The following DPP6 variants were observed in gnomAD, a reference collection of about 807,000 sequenced individuals.
DPP6 encodes dipeptidyl peptidase like 6, also known as A-type potassium channel modulatory protein DPP6.
In DPP6, 69 loss-of-function variants were observed where a neutral mutation model predicts 122.6. The ratio of observed to expected loss-of-function variants is 0.56; its 90% confidence interval spans 0.46 to 0.69. The LOEUF (loss-of-function observed/expected upper bound fraction) is 0.69. DPP6 is among the 30% of genes least tolerant of loss of function. DPP6 has a pLI of 0.00. For missense variants in DPP6, 928 were observed against 1,116.9 expected (o/e 0.83, Z 2.41); for synonymous variants, 418 against 433.1 (o/e 0.97, Z 0.43).
intron 1 of DPP6, among the ~76,000 whole-genome samples, chr7:153,935,730 C>T (rs77584575): frequency 0.066 from 10,064 of 152,264 alleles, 351 homozygotes; most frequent in African/African-American, 0.087. Context: ...CTGGCTCAGA[C>T]CCCAATCTGC....
chr7:154,647,472 G>A (rs1410569662), intron 6 of DPP6, among the ~76,000 whole-genome samples: 1 of 152,162 alleles, frequency 6.6e-6, no homozygotes, highest in African/African-American at 2.4e-5. Context: ...ATGATATTCA[G>A]TAAAGGGGTT....
intron 16 of DPP6, among the ~76,000 whole-genome samples, chr7:154,830,997 C>G (rs1800585208): frequency 6.6e-6 from 1 of 152,216 alleles, no homozygotes; most frequent in South Asian, 2.1e-4. Context: ...GGATTCTCTA[C>G]CACGGACTCT....
chr7:153,768,095 G>A, the DPP6 span, among the ~76,000 whole-genome samples: 1 of 151,620 alleles, frequency 6.6e-6, no homozygotes, highest in Admixed American at 6.6e-5. Flanking sequence ...GAGGGAATAA[G>A]CTAGAAAGTT....
At chr7:153,966,049 A>G (rs1229260177) in intron 1 of DPP6, among the ~76,000 whole-genome samples, 2 of 140,286 alleles carry the variant, frequency 1.4e-5, no homozygotes, top group Non-Finnish European at 3.1e-5. Flanking sequence ...ATATGGAGAG[A>G]CTTGGTAAAA....
chr7:154,162,798 A>T, intron 1 of DPP6, among the ~76,000 whole-genome samples: 1 of 151,966 alleles, frequency 6.6e-6, no homozygotes, highest in Non-Finnish European at 1.5e-5. Context: ...CTGGAATCTG[A>T]TCATTGCTGG....
chr7:154,435,287 G>A (rs1818768303), intron 1 of DPP6, among the ~76,000 whole-genome samples: 1 of 152,016 alleles, frequency 6.6e-6, no homozygotes, highest in South Asian at 2.1e-4. Context: ...GGGAGGAATG[G>A]GAGGGGGTAC....
At chr7:154,398,324 CAG>C (rs1815270801) in intron 1 of DPP6, among the ~76,000 whole-genome samples, 1 of 152,170 alleles carries the variant, frequency 6.6e-6, no homozygotes, top group Non-Finnish European at 1.5e-5. Context: ...TAATTAGTAA[CAG>C]AATTTGGATT....
At chr7:154,751,689 A>G (rs1015799721) in intron 8 of DPP6, among the ~76,000 whole-genome samples, 2 of 152,032 alleles carry the variant, frequency 1.3e-5, no homozygotes, top group African/African-American at 4.8e-5. Context: ...ACCACTAACC[A>G]GGCAGATAGG....
intron 1 of DPP6, among the ~76,000 whole-genome samples, chr7:154,218,174 T>C (rs1210770836): frequency 6.6e-6 from 1 of 152,012 alleles, no homozygotes; most frequent in Non-Finnish European, 1.5e-5. Flanking sequence ...AGAGGGTGAG[T>C]TGGGATCCTG....
chr7:153,971,113 T>A (rs1385302406), intron 1 of DPP6, among the ~76,000 whole-genome samples: 2 of 152,120 alleles, frequency 1.3e-5, no homozygotes, highest in Non-Finnish European at 2.9e-5. Context: ...TGCGTGTAGA[T>A]CTCTTTATTT....
intron 1 of DPP6, among the ~76,000 whole-genome samples, chr7:153,965,766 G>A (rs569436936): frequency 1.9e-4 from 29 of 152,034 alleles, no homozygotes; most frequent in African/African-American, 6.0e-4. Context: ...CCAGACAGGC[G>A]GATCACGAGG....
In DPP6 at chr7:154,804,866, C is replaced by A. The variant is rs151177326; in HGVS notation, c.1500-51C>A. The A allele has an allele frequency of 1.9e-6, 3 of 1,570,188 alleles. No individual in the cohort carries two copies. The East Asian group carries it at 7.0e-5, about 37-fold the overall frequency. Reference sequence around the variant, plus strand: ...GAGGTAGTGCCAGGAATGTGAAGTGCAGACGTGCCTTGGAGCAAACTAACC... The same window carrying A: ...GAGGTAGTGCCAGGAATGTGAAGTGAAGACGTGCCTTGGAGCAAACTAACC... On this transcript the variant is annotated intron_variant, in intron 14 of 25. Transcript: ENST00000377770.
intron 1 of DPP6, among the ~76,000 whole-genome samples, chr7:154,242,823 C>T (rs930430354): frequency 1.3e-5 from 2 of 152,188 alleles, no homozygotes; most frequent in African/African-American, 4.8e-5. Flanking sequence ...GAAGGCTGCC[C>T]ACACCATGGC....
intron 1 of DPP6, among the ~76,000 whole-genome samples, chr7:154,442,840 C>A (rs1214807893): frequency 1.3e-5 from 2 of 152,152 alleles, no homozygotes; most frequent in Admixed American, 1.3e-4. Context: ...CCCACCACTG[C>A]CACCCAGGAC....
At chr7:154,126,223 T>C (rs997960629) in intron 1 of DPP6, among the ~76,000 whole-genome samples, 6 of 152,194 alleles carry the variant, frequency 3.9e-5, no homozygotes, top group African/African-American at 1.4e-4. Flanking sequence ...TATATGTGAA[T>C]AGAACTTAGC....
chr7:154,315,938 C>T (rs889616171), intron 1 of DPP6, among the ~76,000 whole-genome samples: 8 of 152,172 alleles, frequency 5.3e-5, no homozygotes, highest in African/African-American at 1.7e-4. Flanking sequence ...AAACATGCCA[C>T]GTTACTTGTT....
chr7:153,850,231 T>C, the DPP6 span, among the ~76,000 whole-genome samples: 5 of 152,146 alleles, frequency 3.3e-5, no homozygotes, highest in Admixed American at 2.0e-4. Flanking sequence ...TGTGGCCTTA[T>C]CTTAGGCCTG....
the DPP6 span, among the ~76,000 whole-genome samples, chr7:153,780,613 A>G: frequency 1.3e-5 from 2 of 152,168 alleles, no homozygotes; most frequent in Non-Finnish European, 2.9e-5. Context: ...CAGTGATGGG[A>G]TAAGTATTGT....
chr7:154,221,152 T>C (rs529481049), intron 1 of DPP6, among the ~76,000 whole-genome samples: 59 of 152,236 alleles, frequency 3.9e-4, no homozygotes, highest in Non-Finnish European at 7.4e-4. Flanking sequence ...TTTATTGTTA[T>C]TGTTTTAAGA....
Sources: gnomAD v4.1 joint callset for allele counts (sites outside exome capture counted in the v4.1 genomes callset) on GRCh38, gnomAD v4.1.1 for gene constraint, MANE v1.5 for transcripts, NCBI Gene and HGNC (gene_info 2026-07-23, HGNC 2026-07-21) for gene names.